Variants in MSH4 observed in about 807,000 individuals in gnomAD.
MSH4 encodes mutS homolog 4, also known as mutS protein homolog 4.
Under a neutral mutation model 113.7 loss-of-function variants are expected in MSH4, and 106 were observed. The observed-to-expected ratio is 0.93, with a 90% CI of 0.80 to 1.10. The LOEUF is 1.10. Ranked by LOEUF, MSH4 falls within the 50% of genes least tolerant of loss-of-function variation. MSH4 has a pLI of 0.00. For synonymous variants in MSH4, 368 were observed against 380.2 expected (o/e 0.97, Z 0.37); for missense variants, 1,061 against 1,093.7 (o/e 0.97, Z 0.42).
intron 4 of MSH4, among the ~76,000 whole-genome samples, chr1:75,811,565 T>C (rs572637973): frequency 6.6e-6 from 1 of 152,286 alleles, no homozygotes; most frequent in Non-Finnish European, 1.5e-5. Context: ...ATTACAGAAT[T>C]GTTTCAGCTT....
At chr1:75,892,789 C>G (rs1652286107) in intron 17 of MSH4, among the ~76,000 whole-genome samples, 1 of 152,074 alleles carries the variant, frequency 6.6e-6, no homozygotes, top group South Asian at 2.1e-4. Flanking sequence ...TCACATGTGT[C>G]CCTAGATCAC....
chr1:75,857,992 A>C (rs1473617976), intron 8 of MSH4, among the ~76,000 whole-genome samples: 1 of 152,066 alleles, frequency 6.6e-6, no homozygotes, highest in East Asian at 1.9e-4. Context: ...ATCCCTTGTA[A>C]GTTGGATTCC....
intron 9 of MSH4, among the ~76,000 whole-genome samples, chr1:75,869,480 G>A (rs1215155138): frequency 6.6e-6 from 1 of 152,184 alleles, no homozygotes; most frequent in African/African-American, 2.4e-5. Flanking sequence ...TCATGTCAGA[G>A]ACCTTTATGG....
At position 75,817,666 on chromosome 1, in the gene MSH4, G is replaced by A. The variant is rs114013154; in HGVS notation, c.989+1120G>A. Among the ~76,000 whole-genome samples the A allele has an allele frequency of 3.8e-3, 576 of 152,230 alleles. 5 individuals carry two copies. The highest frequency in any genetic ancestry group is 0.013 in the African/African-American group (548 of 41,534). On this transcript the variant is annotated intron_variant, in intron 6 of 19. Transcript: ENST00000263187. ...TTAAAAGATGGATATTCTACGTACT[G>A]AACTATCTGAATAGCTCCAATGCTT...
intron 8 of MSH4, 55 bp from the exon 9 acceptor site, chr1:75,867,458 AT>A (rs1651611126): frequency 4.3e-6 from 4 of 937,708 alleles, no homozygotes; most frequent in Non-Finnish European, 5.1e-6. Context: ...AGGAAAACCC[AT>A]TGTTCTATTA....
intron 19 of MSH4, among the ~76,000 whole-genome samples, chr1:75,912,145 T>C (rs778468141): frequency 6.6e-6 from 1 of 152,140 alleles, no homozygotes; most frequent in Non-Finnish European, 1.5e-5. Flanking sequence ...GGCAGTATTT[T>C]CTCTTAGGCT....
intron 7 of MSH4, among the ~76,000 whole-genome samples, chr1:75,838,044 TG>T (rs1193314827): frequency 6.6e-6 from 1 of 152,220 alleles, no homozygotes; most frequent in Non-Finnish European, 1.5e-5. Context: ...CATTTCTTAA[TG>T]TTGATATAAA....
chr1:75,881,189 C>G, intron 13 of MSH4, 57 bp from the exon 14 acceptor site: 1 of 1,352,016 alleles, frequency 7.4e-7, no homozygotes, highest in South Asian at 1.3e-5. Flanking sequence ...TTTACGATTA[C>G]AATGTATGTC....
intron 19 of MSH4, among the ~76,000 whole-genome samples, chr1:75,904,137 C>T (rs898302882): frequency 3.9e-5 from 6 of 151,994 alleles, no homozygotes; most frequent in African/African-American, 1.4e-4. Flanking sequence ...TGGTTTTTGT[C>T]CTTGATTCTG....
intron 7 of MSH4, among the ~76,000 whole-genome samples, chr1:75,823,068 A>G (rs1650457651): frequency 6.6e-6 from 1 of 152,192 alleles, no homozygotes; most frequent in Admixed American, 6.5e-5. Context: ...TCTGAAACCT[A>G]TAGGGGAGAA....
intron 2 of MSH4, 57 bp downstream of exon 2, chr1:75,803,970 A>G (rs1051506765): frequency 4.1e-6 from 5 of 1,232,888 alleles, no homozygotes; most frequent in African/African-American, 1.6e-5. Context: ...AGTTTTATAA[A>G]TTATAAATTA....
rs537911504 is a variant in MSH4, at chr1:75,826,122, A to T, written c.1162+3541A>T. Among the ~76,000 whole-genome samples, 5 of 152,252 alleles carry T rather than the reference A, an allele frequency of 3.3e-5. No individual in the cohort carries two copies. In the East Asian group the frequency reaches 9.7e-4, roughly 29 times the overall value. On this transcript the variant is annotated intron_variant, in intron 7 of 19. Transcript: ENST00000263187. ...GCTTTTTTTGGTTGGTGGGCTATTAATTACTCCCTCAATTTCAGAACTTGT... is the reference window on the plus strand; with the variant it reads ...GCTTTTTTTGGTTGGTGGGCTATTATTTACTCCCTCAATTTCAGAACTTGT...
intron 4 of MSH4, among the ~76,000 whole-genome samples, chr1:75,814,709 AAAAGATTACTAAAAGGC>A (rs1297717961): frequency 2.0e-5 from 3 of 152,176 alleles, no homozygotes; most frequent in African/African-American, 7.2e-5. Context: ...ACTAAAAGGC[AAAAGATTACTAAAAGGC>A]AAAGATTACT....
intron 4 of MSH4, among the ~76,000 whole-genome samples, chr1:75,812,565 G>A (rs1315178699): frequency 1.3e-5 from 2 of 152,044 alleles, no homozygotes; most frequent in Admixed American, 6.6e-5. Flanking sequence ...CTGGTGGCAC[G>A]CGCCTGTAGT....
At position 75,881,329 on chromosome 1, in the gene MSH4, T is replaced by C; in HGVS notation, c.1865T>C (p.Met622Thr). 1 of 1,612,122 alleles carries C rather than the reference T, an allele frequency of 6.2e-7. No individual in the cohort carries two copies. Among genetic ancestry groups the C allele is most frequent in the East Asian group, 2.2e-5 (1 of 44,752 alleles). ...TCTGACACTGTGTCAATGCTGGATA[T>C]GCTACTGTCATTTGCTCATGCCTGC... ...KLSDTVSMLDMLLSFAHACTL... is the reference protein window; with the variant it reads ...KLSDTVSMLDTLLSFAHACTL... The change falls in exon 14 of 20, where the codon ATG becomes ACG. Residue 622 changes from methionine (M) to threonine (T), a missense_variant. Physicochemically the swap from Met to Thr is moderately conservative, Grantham distance 81. Transcript: ENST00000263187.
At chr1:75,829,938 T>A (rs1490751986) in intron 7 of MSH4, among the ~76,000 whole-genome samples, 1 of 152,048 alleles carries the variant, frequency 6.6e-6, no homozygotes, top group African/African-American at 2.4e-5. Context: ...GGAAGGAGAA[T>A]GACATTGATG....
chr1:75,845,432 C>T (rs1361782196), intron 7 of MSH4, among the ~76,000 whole-genome samples: 1 of 152,110 alleles, frequency 6.6e-6, no homozygotes, highest in African/African-American at 2.4e-5. Flanking sequence ...ATAAACATTC[C>T]CATTACAAAA....
intron 8 of MSH4, among the ~76,000 whole-genome samples, chr1:75,864,482 A>T (rs377374314): frequency 6.6e-6 from 1 of 152,216 alleles, no homozygotes; most frequent in Non-Finnish European, 1.5e-5. Context: ...TCCCATCAGC[A>T]TATGAGAACT....
chr1:75,805,675 C>T (rs1351761273), intron 2 of MSH4, among the ~76,000 whole-genome samples: 1 of 152,150 alleles, frequency 6.6e-6, no homozygotes, highest in East Asian at 1.9e-4. Flanking sequence ...TTATGAGCCA[C>T]TGCGCCTGGC....
Sources: allele counts gnomAD v4.1 joint callset (sites outside exome capture counted in the v4.1 genomes callset), GRCh38; gene constraint gnomAD v4.1.1; transcripts MANE v1.5; gene names NCBI Gene and HGNC (gene_info 2026-07-23, HGNC 2026-07-21).